Variants in LARS2 observed in about 807,000 individuals in gnomAD.
LARS2 encodes the protein leucine--tRNA ligase, mitochondrial.
In LARS2, 81 loss-of-function variants were observed where a neutral mutation model predicts 116.6. The observed-to-expected ratio is 0.69, with a 90% CI of 0.58 to 0.84. The LOEUF (loss-of-function observed/expected upper bound fraction) is 0.84. Ranked by LOEUF, LARS2 falls within the 40% of genes least tolerant of loss-of-function variation. The probability of loss-of-function intolerance (pLI) is 0.00; values close to 1 mark genes in which losing one functional copy is unlikely to be tolerated. For synonymous variants in LARS2, 396 were observed against 407.2 expected (o/e 0.97, Z 0.33); for missense variants, 968 against 1,114.5 (o/e 0.87, Z 1.87).
intron 1 of LARS2, among the ~76,000 whole-genome samples, chr3:45,389,430 T>G (rs1697899808): frequency 6.6e-6 from 1 of 152,176 alleles, no homozygotes; most frequent in South Asian, 2.1e-4. Flanking sequence ...TCCCAGCGCC[T>G]CTTCCGTGAA....
intron 6 of LARS2, among the ~76,000 whole-genome samples, chr3:45,422,782 T>C (rs1256975871): frequency 6.6e-6 from 1 of 152,168 alleles, no homozygotes; most frequent in Non-Finnish European, 1.5e-5. Flanking sequence ...TGTTGTTTAT[T>C]AAAAAAATAA....
intron 4 of LARS2, among the ~76,000 whole-genome samples, chr3:45,416,178 C>G (rs1002752780): frequency 8.6e-5 from 13 of 151,066 alleles, no homozygotes; most frequent in Non-Finnish European, 1.6e-4. Flanking sequence ...ATCCCAGCTA[C>G]TCGGGAGGCT....
intron 21 of LARS2, among the ~76,000 whole-genome samples, chr3:45,542,845 C>G (rs1163177996): frequency 6.6e-6 from 1 of 152,174 alleles, no homozygotes; most frequent in Non-Finnish European, 1.5e-5. Flanking sequence ...GGTTCCCTGC[C>G]CTCATGGAGC....
chr3:45,540,258 CA>C (rs1001085047), intron 20 of LARS2, among the ~76,000 whole-genome samples: 7 of 146,248 alleles, frequency 4.8e-5, no homozygotes, highest in East Asian at 2.0e-4. Context: ...GACTCTGTCT[CA>C]AAAAAAAAAG....
chr3:45,493,266 A>G (rs1250864882), intron 13 of LARS2, among the ~76,000 whole-genome samples: 1 of 152,088 alleles, frequency 6.6e-6, no homozygotes, highest in South Asian at 2.1e-4. Context: ...AGCCCGGCTA[A>G]TTTTTTGTAT....
At chr3:45,445,278 C>G (rs539134078) in intron 6 of LARS2, among the ~76,000 whole-genome samples, 1 of 152,198 alleles carries the variant, frequency 6.6e-6, no homozygotes, top group Non-Finnish European at 1.5e-5. Flanking sequence ...CCAAACATAG[C>G]TCCTGCCCTG....
At chr3:45,441,182 G>A (rs1575256820) in intron 6 of LARS2, among the ~76,000 whole-genome samples, 2 of 152,000 alleles carry the variant, frequency 1.3e-5, no homozygotes, top group Admixed American at 6.6e-5. Flanking sequence ...ATGCCACCAC[G>A]CCTGGCTACT....
At chr3:45,418,503 A>C (rs1466853681) in intron 5 of LARS2, among the ~76,000 whole-genome samples, 3 of 152,250 alleles carry the variant, frequency 2.0e-5, no homozygotes, top group Non-Finnish European at 4.4e-5. Flanking sequence ...AAAGTGGATC[A>C]AACATGGCTT....
chr3:45,405,062 C>A (rs1002358511), intron 4 of LARS2, among the ~76,000 whole-genome samples: 3 of 151,888 alleles, frequency 2.0e-5, no homozygotes, highest in African/African-American at 7.3e-5. Flanking sequence ...ATATAAGCTT[C>A]TCAGTGGCAG....
intron 6 of LARS2, among the ~76,000 whole-genome samples, chr3:45,425,252 G>T (rs1463509065): frequency 6.6e-6 from 1 of 152,024 alleles, no homozygotes; most frequent in Non-Finnish European, 1.5e-5. Flanking sequence ...GTCTGTTTTG[G>T]AATCTTTTCT....
chr3:45,419,377 A>G (rs896393408), intron 5 of LARS2, among the ~76,000 whole-genome samples: 2 of 152,232 alleles, frequency 1.3e-5, no homozygotes, highest in African/African-American at 2.4e-5. Context: ...AGCAGTGCAC[A>G]TCTCAAAGGG....
At chr3:45,513,975 G>A (rs1370986113) in intron 16 of LARS2, among the ~76,000 whole-genome samples, 4 of 152,168 alleles carry the variant, frequency 2.6e-5, no homozygotes, top group Non-Finnish European at 5.9e-5. Flanking sequence ...GGAGGCCAAG[G>A]CAGGTGGATC....
intron 20 of LARS2, among the ~76,000 whole-genome samples, chr3:45,525,685 T>C (rs1700521064): frequency 6.6e-6 from 1 of 152,226 alleles, no homozygotes; most frequent in South Asian, 2.1e-4. Flanking sequence ...ATCTTCTGGG[T>C]CTTTCCAGTT....
intron 11 of LARS2, among the ~76,000 whole-genome samples, chr3:45,486,058 G>T (rs547408015): frequency 1.3e-5 from 2 of 152,160 alleles, no homozygotes; most frequent in Admixed American, 1.3e-4. Flanking sequence ...AGAGTTTGTT[G>T]TTAAGACTTG....
At chr3:45,421,974 A>T (rs918655838) in intron 6 of LARS2, 1 of 152,186 alleles carries the variant, frequency 6.6e-6, no homozygotes, top group Admixed American at 6.5e-5. Flanking sequence ...CTTTCTACTG[A>T]ATGCATATCT....
At chr3:45,462,755 G>A (rs377493280) in intron 8 of LARS2, among the ~76,000 whole-genome samples, 4 of 152,186 alleles carry the variant, frequency 2.6e-5, no homozygotes, top group African/African-American at 9.7e-5. Flanking sequence ...ATGTATGACT[G>A]TGGTCTTCTT....
intron 6 of LARS2, among the ~76,000 whole-genome samples, chr3:45,430,217 C>T (rs1392867944): frequency 2.0e-5 from 3 of 150,268 alleles, no homozygotes; most frequent in Non-Finnish European, 4.4e-5. Flanking sequence ...TGTGATCCGC[C>T]CGCCTTGGCC....
intron 19 of LARS2, 73 bp downstream of exon 19, chr3:45,520,369 C>CCCTTG: frequency 9.4e-7 from 1 of 1,064,818 alleles, no homozygotes; most frequent in Non-Finnish European, 1.5e-6. Context: ...CCACAGGGTC[C>CCCTTG]CAAGAGGGAC....
chr3:45,419,876 C>G (rs975663122), intron 6 of LARS2, 147 bp downstream of exon 6: 2 of 644,354 alleles, frequency 3.1e-6, no homozygotes, highest in Admixed American at 2.8e-5. Context: ...AAAAAGTATC[C>G]TGAGTGGATA....
Sources: allele counts gnomAD v4.1 joint callset (sites outside exome capture counted in the v4.1 genomes callset), GRCh38; gene constraint gnomAD v4.1.1; transcripts MANE v1.5; gene names NCBI Gene and HGNC (gene_info 2026-07-23, HGNC 2026-07-21).